The following MATN2 variants were observed in gnomAD, a reference collection of about 807,000 sequenced individuals.
MATN2 encodes the protein matrilin-2.
MATN2 carries 69 observed loss-of-function variants against 103.2 expected under a neutral mutation model. The ratio of observed to expected loss-of-function variants is 0.67; its 90% CI spans 0.55 to 0.82. The LOEUF (loss-of-function observed/expected upper bound fraction) is 0.82, where lower values mean the gene tolerates loss of function less well. MATN2 is among the 40% of genes least tolerant of loss of function. The pLI, the probability that MATN2 is intolerant of heterozygous loss-of-function variation, is 0.00. For missense variants in MATN2, 1,023 were observed against 1,211.5 expected (o/e 0.84, Z 2.31); for synonymous variants, 429 against 450.2 (o/e 0.95, Z 0.60).
At chr8:97,967,964 C>T (rs1159220590) in intron 5 of MATN2, among the ~76,000 whole-genome samples, 1 of 152,260 alleles carries the variant, frequency 6.6e-6, no homozygotes, top group Non-Finnish European at 1.5e-5. Flanking sequence ...CTTTCCAAGA[C>T]ATACTCTGAA....
intron 4 of MATN2, among the ~76,000 whole-genome samples, chr8:97,951,366 G>A (rs959300469): frequency 2.0e-5 from 3 of 152,220 alleles, no homozygotes; most frequent in Admixed American, 1.3e-4. Context: ...AGGGGAACAT[G>A]AGCTTGAACC....
intron 11 of MATN2, among the ~76,000 whole-genome samples, chr8:98,017,705 A>G (rs1367116117): frequency 2.0e-5 from 3 of 152,242 alleles, no homozygotes; most frequent in Non-Finnish European, 4.4e-5. Context: ...AAGTGTTTCC[A>G]TTCTGATATC....
intron 2 of MATN2, among the ~76,000 whole-genome samples, chr8:97,888,937 G>A (rs1449467102): frequency 2.6e-5 from 4 of 152,072 alleles, no homozygotes; most frequent in East Asian, 1.9e-4. Flanking sequence ...GTGATATAAC[G>A]TAGGTGATAT....
chr8:98,026,141 T>C (rs989709524), intron 13 of MATN2, among the ~76,000 whole-genome samples: 28 of 130,040 alleles, frequency 2.2e-4, no homozygotes, highest in Non-Finnish European at 3.6e-4. Context: ...ATCACACCAT[T>C]GCACTTCAGC....
chr8:97,995,049 C>G (rs1028596231), intron 7 of MATN2, among the ~76,000 whole-genome samples: 1 of 152,190 alleles, frequency 6.6e-6, no homozygotes, highest in Non-Finnish European at 1.5e-5. Context: ...AAATGAGACT[C>G]TAGGACATCC....
At chr8:97,903,467 G>T (rs759701055) in intron 2 of MATN2, among the ~76,000 whole-genome samples, 5 of 152,108 alleles carry the variant, frequency 3.3e-5, no homozygotes, top group Non-Finnish European at 7.4e-5. Context: ...TTTTTGTTTT[G>T]TTTTTGTCTG....
intron 18 of MATN2, among the ~76,000 whole-genome samples, chr8:98,035,124 G>A (rs1230943441): frequency 1.3e-5 from 2 of 152,048 alleles, no homozygotes; most frequent in South Asian, 2.1e-4. Flanking sequence ...TTGGGAGGCC[G>A]AGGCAGGCAG....
At position 97,888,225 on chromosome 8, in the gene MATN2, C is replaced by G. The variant is rs567767391; in HGVS notation, c.125C>G (p.Pro42Arg). 273 of 1,565,866 alleles carry G rather than the reference C, an allele frequency of 1.7e-4. 4 individuals carry two copies. In the South Asian group the frequency reaches 3.1e-3, roughly 18 times the overall value. The change falls in exon 2 of 19, where the codon CCG becomes CGG. Residue 42 changes from proline (P) to arginine (R), a missense_variant. Transcript: ENST00000254898. ...ISRGRHARTH[P>R]QTALLESSCE... ...AGGGGCAGACACGCTCGGACCCACCCGCAGACGGCCCTTCTGGGTGAGTGG... is the reference window on the plus strand; with the variant it reads ...AGGGGCAGACACGCTCGGACCCACCGGCAGACGGCCCTTCTGGGTGAGTGG...
At chr8:97,921,975 C>G (rs1194488917) in intron 2 of MATN2, among the ~76,000 whole-genome samples, 2 of 152,182 alleles carry the variant, frequency 1.3e-5, no homozygotes, top group Non-Finnish European at 2.9e-5. Context: ...CCTGTGAGAT[C>G]AGTGGCGACA....
chr8:97,994,629 G>A, intron 7 of MATN2, 27 bp downstream of exon 7: 1 of 1,598,146 alleles, frequency 6.3e-7, no homozygotes, highest in East Asian at 2.2e-5. Flanking sequence ...GTTGGAGAAG[G>A]GCTTGTTCTG....
chr8:97,990,961 A>G (rs1225751420), intron 6 of MATN2, among the ~76,000 whole-genome samples: 2 of 152,210 alleles, frequency 1.3e-5, no homozygotes, highest in Non-Finnish European at 2.9e-5. Flanking sequence ...ATACATATGC[A>G]AAATGCATCA....
Position 98,033,594 on chromosome 8 carries a change from A to G in MATN2, c.2750A>G (p.Lys917Arg). Reference protein sequence around the residue: ...SPLEEKHDQCKCENLIMFQNL... With the variant: ...SPLEEKHDQCRCENLIMFQNL... ...TTGGAAGAAAAACACGATCAATGCA[A>G]ATGTGAAAACCTTATAATGTTCCAG... Residue 917 changes from lysine to arginine, a missense_variant, in exon 18 of 19, where the codon AAA (lysine) becomes AGA (arginine). Lys to Arg is a conservative substitution (Grantham distance 26). Transcript: ENST00000254898. 1.9e-6 allele frequency: 3 copies of G among 1,605,364 alleles called. No individual in the cohort carries two copies. The highest frequency in any genetic ancestry group is 2.6e-6 in the Non-Finnish European group (3 of 1,176,328).
chr8:98,036,679 G>A lies in MATN2; in HGVS notation c.*967G>A, dbSNP rs149017371. The A allele has an allele frequency of 6.6e-6, 1 of 152,258 alleles. No individual in the cohort carries two copies. Among genetic ancestry groups the A allele is most frequent in the African/African-American group, 2.4e-5 (1 of 41,534 alleles). 9.4% of individuals were successfully genotyped at this position (152,258 alleles called of 1,614,324 possible). ...ACAGAAATACAACACCGCATGTACAGGAATGTGCTACATCTATACAAATAA... is the reference window on the plus strand; with the variant it reads ...ACAGAAATACAACACCGCATGTACAAGAATGTGCTACATCTATACAAATAA... On this transcript the variant is annotated 3_prime_UTR_variant, in exon 19 of 19. Coordinates refer to ENST00000254898, the MANE Select transcript of MATN2 (RefSeq NM_002380.5).
chr8:98,033,639 T>A lies in MATN2; in HGVS notation c.2795T>A (p.Val932Glu), dbSNP rs1586179143. 1 of 1,602,290 alleles carries A rather than the reference T, an allele frequency of 6.2e-7. No homozygotes were observed. Among genetic ancestry groups the A allele is most frequent in the Non-Finnish European group, 8.5e-7 (1 of 1,173,236 alleles). ...IMFQNLANEE[V>E]RKLTQRLEEM... ...TTCCAGAACCTTGCAAACGAAGAAG[T>A]AAGAAAATTAACACAGCGCTATATC... Residue 932 changes from valine to glutamate, a missense_variant, in exon 18 of 19, where the codon GTA (valine) becomes GAA (glutamate). Coordinates refer to ENST00000254898, the MANE Select transcript of MATN2 (RefSeq NM_002380.5).
chr8:98,025,803 T>C (rs1212862476), intron 13 of MATN2: 3 of 410,216 alleles, frequency 7.3e-6, no homozygotes, highest in South Asian at 1.8e-5. Flanking sequence ...TCTTTTGCAG[T>C]CCTAAATAAC....
At chr8:97,980,871 A>G (rs1262553989) in intron 6 of MATN2, among the ~76,000 whole-genome samples, 1 of 151,702 alleles carries the variant, frequency 6.6e-6, no homozygotes, top group African/African-American at 2.4e-5. Context: ...ACCCGGCCAT[A>G]GCATAATCTT....
In MATN2 at chr8:98,011,560, C is replaced by A. The variant is rs186294642; in HGVS notation, c.1573+3959C>A. On this transcript the variant is annotated intron_variant, in intron 10 of 18. Coordinates refer to ENST00000254898, the MANE Select transcript of MATN2 (RefSeq NM_002380.5). ...TGTGAGATGCCCTGGAAAAGCACAT[C>A]TCAGTTCAGCTGCTTCTTGGTTTGT... Among the ~76,000 whole-genome samples the A allele has an allele frequency of 7.2e-5, 11 of 152,314 alleles. No homozygotes were observed. In the East Asian group the frequency reaches 1.9e-3, roughly 27 times the overall value.
Position 98,033,053 on chromosome 8 carries a change from G to C in MATN2, c.2593G>C (p.Val865Leu). Residue 865 changes from valine to leucine, a missense_variant, in exon 17 of 19, where the codon GTC becomes CTC. Val to Leu is a conservative substitution (Grantham distance 32). Transcript: ENST00000254898. ...CTTTCTCTTTACAGAATCTGAGCCA[G>C]TCACCATAAATATCCAAGACCTACT... ...TVQQPTESEP[V>L]TINIQDLLSC... The C allele has an allele frequency of 1.2e-6, 2 of 1,606,756 alleles. No individual in the cohort carries two copies. Among genetic ancestry groups the C allele is most frequent in the Non-Finnish European group, 1.7e-6 (2 of 1,177,860 alleles).
chr8:98,012,319 T>C (rs1374009998), intron 10 of MATN2, among the ~76,000 whole-genome samples: 1 of 152,162 alleles, frequency 6.6e-6, no homozygotes, highest in African/African-American at 2.4e-5. Context: ...CCATTCCTTA[T>C]GGTGAGAGTG....
Sources: gnomAD v4.1 joint callset for allele counts (sites outside exome capture counted in the v4.1 genomes callset) on GRCh38, gnomAD v4.1.1 for gene constraint, MANE v1.5 for transcripts, NCBI Gene and HGNC (gene_info 2026-07-23, HGNC 2026-07-21) for gene names.